The following RASGRF2 variants were observed in gnomAD, a reference collection of about 807,000 sequenced individuals.
RASGRF2 encodes the protein Ras protein specific guanine nucleotide releasing factor 2, also known as ras-specific guanine nucleotide-releasing factor 2.
Under a neutral mutation model 151.0 loss-of-function variants are expected in RASGRF2, and 76 were observed. The ratio of observed to expected loss-of-function variants is 0.50; its 90% CI spans 0.42 to 0.61. The LOEUF (loss-of-function observed/expected upper bound fraction) is 0.61, where lower values mean the gene tolerates loss of function less well. Among genes scored for constraint, RASGRF2 ranks in the 20% least tolerant of loss-of-function variants. The pLI is 0.00. For synonymous variants in RASGRF2, 504 were observed against 566.5 expected (o/e 0.89, Z 1.57); for missense variants, 1,148 against 1,564.6 (o/e 0.73, Z 4.49).
Position 81,071,160 on chromosome 5 carries a change from C to T in RASGRF2, c.633+579C>T, listed in dbSNP as rs116028724. Among the ~76,000 whole-genome samples the T allele has an allele frequency of 5.7e-3, 870 of 152,206 alleles. 17 individuals are homozygous for T. Among genetic ancestry groups the T allele is most frequent in the African/African-American group, 0.02 (822 of 41,522 alleles). ...TTTGATTTGTCATTTAGGTTTTGAT[C>T]CTATGATCTTGATTGTCTTATATAA... On this transcript the variant is annotated intron_variant, in intron 4 of 26. Transcript: ENST00000265080.
intron 18 of RASGRF2, among the ~76,000 whole-genome samples, chr5:81,196,811 G>A (rs1259930678): frequency 6.6e-6 from 1 of 152,180 alleles, no homozygotes; most frequent in East Asian, 1.9e-4. Context: ...GGACTCAGTT[G>A]TCTCACTAAT....
chr5:81,159,201 A>G (rs960062142), intron 17 of RASGRF2, among the ~76,000 whole-genome samples: 2 of 152,260 alleles, frequency 1.3e-5, no homozygotes, highest in African/African-American at 4.8e-5. Context: ...GACATGCTAC[A>G]GCATGGATGA....
At chr5:81,085,966 C>G in intron 8 of RASGRF2, 55 bp downstream of exon 8, 1 of 1,610,586 alleles carries the variant, frequency 6.2e-7, no homozygotes, top group Non-Finnish European at 8.5e-7. Context: ...AAGTTAGTCT[C>G]TTGTGGAAAC....
chr5:81,208,538 T>TTTTTTC (rs1755562795), intron 22 of RASGRF2, 100 bp downstream of exon 22: 1 of 107,672 alleles, frequency 9.3e-6, no homozygotes, highest in Non-Finnish European at 1.3e-5. Context: ...CACCCACTTT[T>TTTTTTC]TTTTTTTTTT....
intron 18 of RASGRF2, among the ~76,000 whole-genome samples, chr5:81,198,791 A>G (rs1755326068): frequency 6.6e-6 from 1 of 152,018 alleles, no homozygotes; most frequent in African/African-American, 2.4e-5. Context: ...TGTATACCGC[A>G]TTTTCTTTAT....
intron 17 of RASGRF2, among the ~76,000 whole-genome samples, chr5:81,166,905 C>G (rs142849455): frequency 1.3e-3 from 202 of 152,278 alleles, no homozygotes; most frequent in African/African-American, 4.6e-3. Flanking sequence ...CCCAGCTCAT[C>G]TTTAGCTTTC....
In RASGRF2 at chr5:81,229,849, C is replaced by A. The variant is rs1756073296; in HGVS notation, c.*4079C>A. 6.6e-6 allele frequency: 1 copy of A among 152,228 alleles called. No individual in the cohort carries two copies. Among genetic ancestry groups the A allele is most frequent in the Non-Finnish European group, 1.5e-5 (1 of 68,050 alleles). 9.4% of individuals were successfully genotyped at this position (152,228 alleles called of 1,614,324 possible). On this transcript the variant is annotated 3_prime_UTR_variant, in exon 27 of 27. Coordinates refer to ENST00000265080, the MANE Select transcript of RASGRF2 (RefSeq NM_006909.3). ...ATAGTAATCCCTGTGCTGCTTATCT[C>A]ACAGGGCTATTGTGAGGACCAAATG... is the stretch of plus-strand genomic sequence containing the variant.
At chr5:80,986,000 G>C (rs1230406261) in intron 1 of RASGRF2, among the ~76,000 whole-genome samples, 1 of 152,030 alleles carries the variant, frequency 6.6e-6, no homozygotes, top group African/African-American at 2.4e-5. Flanking sequence ...CAAAGAGTCA[G>C]TTTAACAGTT....
In RASGRF2 at chr5:81,109,043, A is replaced by G; in HGVS notation, c.1803A>G (p.Glu601=). The change falls in exon 13 of 27, where the codon GAA becomes GAG. Residue 601 remains glutamate, a synonymous_variant. Coordinates refer to ENST00000265080, the MANE Select transcript of RASGRF2 (RefSeq NM_006909.3). ...RCNGLMTIVF[E]ENSKVTVPHM... ...ATGGTTTAATGACTATAGTGTTTGA[A>G]GAGAATTCCAAAGTCACTGTGCCAC... 1 of 1,611,502 alleles carries G rather than the reference A, an allele frequency of 6.2e-7. No homozygotes were observed. The highest frequency in any genetic ancestry group is 8.5e-7 in the Non-Finnish European group (1 of 1,177,834).
At chr5:81,082,950 C>T (rs1752127328) in intron 7 of RASGRF2, among the ~76,000 whole-genome samples, 2 of 152,218 alleles carry the variant, frequency 1.3e-5, no homozygotes, top group South Asian at 2.1e-4. Context: ...GCCTTATGCT[C>T]GTTGGTGTCT....
At chr5:81,081,790 C>T (rs780514342) in intron 7 of RASGRF2, among the ~76,000 whole-genome samples, 1 of 152,082 alleles carries the variant, frequency 6.6e-6, no homozygotes, top group Non-Finnish European at 1.5e-5. Flanking sequence ...TGGAAGTTGC[C>T]GTAGAAGTTT....
At chr5:81,219,642 C>A in intron 25 of RASGRF2, 68 bp from the exon 26 acceptor site, 1 of 1,330,728 alleles carries the variant, frequency 7.5e-7, no homozygotes. Context: ...GAAGAATGTG[C>A]TGCAATGCAG....
At position 81,228,041 on chromosome 5, in the gene RASGRF2, C is replaced by G. The variant is rs772109887; in HGVS notation, c.*2271C>G. 6 of 152,186 alleles carry G rather than the reference C, an allele frequency of 3.9e-5. No homozygotes were observed. Among genetic ancestry groups the G allele is most frequent in the African/African-American group, 9.7e-5 (4 of 41,432 alleles). 9.4% of individuals were successfully genotyped at this position (152,186 alleles called of 1,614,324 possible). A position where few individuals can be genotyped will look rare whatever the true frequency, so the allele number is the denominator to read the frequency against. ...CCTGCAGGATGTTGGAACTGCCCCG[C>G]ACTGGTCATATTAGGCACTGTCAAT... On this transcript the variant is annotated 3_prime_UTR_variant, in exon 27 of 27. Transcript: ENST00000265080.
At chr5:81,039,853 T>G (rs1312864316) in intron 1 of RASGRF2, among the ~76,000 whole-genome samples, 1 of 152,212 alleles carries the variant, frequency 6.6e-6, no homozygotes, top group Non-Finnish European at 1.5e-5. Flanking sequence ...TGCAGAAGTG[T>G]TTTATTTTTG....
intron 26 of RASGRF2, among the ~76,000 whole-genome samples, chr5:81,225,391 A>AAGT (rs1755949887): frequency 2.0e-5 from 3 of 152,232 alleles, no homozygotes; most frequent in Admixed American, 2.0e-4. Context: ...TTCTGTAAGT[A>AAGT]CATGTAATCT....
At position 81,208,251 on chromosome 5, in the gene RASGRF2, A is replaced by G. The variant is rs533671117; in HGVS notation, c.3072-103A>G. The G allele has an allele frequency of 4.3e-4, 410 of 960,856 alleles. No homozygotes were observed. In the African/African-American group the frequency reaches 6.2e-3, roughly 15 times the overall value. 59.5% of individuals were successfully genotyped at this position (960,856 alleles called of 1,614,324 possible). ...CAGGTGTCAGGAACCATTCTAGGCC[A>G]TGTCAAATGGAATTTTTCTAATATT... On this transcript the variant is annotated intron_variant, in intron 21 of 26. Coordinates refer to ENST00000265080, the MANE Select transcript of RASGRF2 (RefSeq NM_006909.3).
At chr5:80,970,005 A>T (rs994588037) in intron 1 of RASGRF2, among the ~76,000 whole-genome samples, 1 of 150,952 alleles carries the variant, frequency 6.6e-6, no homozygotes, top group African/African-American at 2.4e-5. Context: ...TTGTATTTTT[A>T]GTAGAGACAG....
intron 1 of RASGRF2, among the ~76,000 whole-genome samples, chr5:80,996,515 TCCTCCCCCTCCTCCTCCTCCC>T (rs1561544824): frequency 1.7e-4 from 8 of 46,456 alleles, no homozygotes; most frequent in African/African-American, 4.7e-4. Context: ...CTCCTCCTCC[TCCTCCCCCTCCTCCTCCTCCC>T]CCTCCTCCTC....
At chr5:81,030,661 G>A (rs1250294511) in intron 1 of RASGRF2, among the ~76,000 whole-genome samples, 9 of 152,000 alleles carry the variant, frequency 5.9e-5, no homozygotes, top group Non-Finnish European at 1.2e-4. Context: ...CACTAAACAT[G>A]GAAAGGAACA....
Sources: allele counts gnomAD v4.1 joint callset (sites outside exome capture counted in the v4.1 genomes callset), GRCh38; gene constraint gnomAD v4.1.1; transcripts MANE v1.5; gene names NCBI Gene and HGNC (gene_info 2026-07-23, HGNC 2026-07-21).